Variants in ADGRL1 observed in about 807,000 individuals in gnomAD.
The protein encoded by ADGRL1 is CIRL-1.
Under a neutral mutation model 148.9 loss-of-function variants are expected in ADGRL1, and 31 were observed. That is an observed-to-expected ratio of 0.21 (90% CI 0.16 to 0.28). The LOEUF (loss-of-function observed/expected upper bound fraction) is 0.28, where lower values mean the gene tolerates loss of function less well. ADGRL1 is among the 10% of genes least tolerant of loss of function. The pLI is 1.00. For missense variants in ADGRL1, 1,521 were observed against 2,058.8 expected, an observed-to-expected ratio of 0.74 and a Z score of 5.05; for synonymous variants, 937 against 900.3, an observed-to-expected ratio of 1.04 and a Z score of -0.73.
rs373717218 is a variant in ADGRL1, at chr19:14,159,732, C to T, written c.1839+3G>A. 5.0e-6 allele frequency: 8 copies of T among 1,613,722 alleles called. No individual in the cohort carries two copies. The highest frequency in any genetic ancestry group is 2.2e-5 in the East Asian group (1 of 44,884). ...CCTTACACTGGGACCCCCTGGGTCTCACCTTGATATAATCCTTACAAGTTC... is the reference window on the plus strand; with the variant it reads ...CCTTACACTGGGACCCCCTGGGTCTTACCTTGATATAATCCTTACAAGTTC... On this transcript the variant is annotated splice_donor_region_variant and intron_variant, in intron 9 of 22. Transcript: ENST00000361434. This position sits in a 1 kb window ranked among gnomAD's most constrained non-coding sequence, Gnocchi z 6.0.
At chr19:14,164,635 G>A (rs1409547480) in intron 4 of ADGRL1, 4 of 140,740 alleles carry the variant, frequency 2.8e-5, no homozygotes, top group East Asian at 2.4e-4. Context: ...GACCATCCCC[G>A]GCTCGGGAAG....
rs954705305 is a variant in ADGRL1, at chr19:14,150,503, G to A, written c.*370C>T. On this transcript the variant is annotated 3_prime_UTR_variant, in exon 23 of 23. Transcript: ENST00000361434. ...GCAACCTCAGAAGCTGCCCCTCCCT[G>A]CCCAGGAAACTAAAGCCCTCATTTC... 4 of 214,500 alleles carry A rather than the reference G, an allele frequency of 1.9e-5. No homozygotes were observed. The highest frequency in any genetic ancestry group is 1.3e-4 in the South Asian group (1 of 7,968). The allele number at this position is 214,500 out of a possible 1,614,324, so 13.3% of individuals were successfully genotyped here.
chr19:14,183,212 A>ACAGAGAGAGAGAGC (rs1555790212), intron 2 of ADGRL1, among the ~76,000 whole-genome samples: 10 of 151,050 alleles, frequency 6.6e-5, no homozygotes, highest in Admixed American at 6.6e-4. Flanking sequence ...AGAGAGAGAG[A>ACAGAGAGAGAGAGC]GAGAGCGAGA....
At chr19:14,154,933 A>T (rs993910257) in intron 18 of ADGRL1, among the ~76,000 whole-genome samples, 2 of 152,010 alleles carry the variant, frequency 1.3e-5, no homozygotes, top group Non-Finnish European at 2.9e-5. Context: ...TTTTTTTAAG[A>T]TTCAGATTTT....
chr19:14,160,642 G>A lies in ADGRL1; in HGVS notation c.1565C>T (p.Pro522Leu). 1 of 1,613,064 alleles carries A rather than the reference G, an allele frequency of 6.2e-7. No homozygotes were observed. The highest frequency in any genetic ancestry group is 8.5e-7 in the Non-Finnish European group (1 of 1,179,750). ...GGGGGAGGTGCAGTTGCTGAGGTCA[G>A]GGCCCCGGGGGTTCCAGAGCCCCAA... Reference protein sequence around the residue: ...PALGLWNPRGPDLSNCTSPWV... With the variant: ...PALGLWNPRGLDLSNCTSPWV... Residue 522 changes from proline (P) to leucine (L), a missense_variant, in exon 7 of 23, where the codon CCT becomes CTT. Pro to Leu is a moderately conservative substitution (Grantham distance 98, BLOSUM62 -3). This residue lies in a region of ADGRL1 where 270 missense variants were observed against 320.4 expected (regional missense o/e 0.84). Transcript: ENST00000361434. This position sits in a 1 kb window ranked among gnomAD's most constrained non-coding sequence, Gnocchi z 5.9.
intron 1 of ADGRL1, among the ~76,000 whole-genome samples, chr19:14,200,177 C>A (rs1198088130): frequency 6.6e-6 from 1 of 152,352 alleles, no homozygotes; most frequent in South Asian, 2.1e-4. Flanking sequence ...AGGGTCACAG[C>A]CCGTGCAAAG....
Position 14,149,223 on chromosome 19 carries a change from G to C in ADGRL1, c.*1650C>G, listed in dbSNP as rs1178947892. On this transcript the variant is annotated 3_prime_UTR_variant, in exon 23 of 23. Coordinates refer to ENST00000361434, the MANE Select transcript of ADGRL1 (RefSeq NM_014921.5). ...ACATCCCGAGCCTGGAGCTTCCGGG[G>C]TCTGGGATTTGGGGTCAAGCCGCCC... 3 of 152,250 alleles carry C rather than the reference G, an allele frequency of 2.0e-5. No individual in the cohort carries two copies. Among genetic ancestry groups the C allele is most frequent in the African/African-American group, 4.8e-5 (2 of 41,440 alleles). 9.4% of individuals were successfully genotyped at this position (152,250 alleles called of 1,614,324 possible).
In ADGRL1 at chr19:14,163,027, G is replaced by A. The variant is rs763606856; in HGVS notation, c.774C>T (p.Gly258=). 26 of 1,613,998 alleles carry A rather than the reference G, an allele frequency of 1.6e-5. No individual in the cohort carries two copies. Among genetic ancestry groups the A allele is most frequent in the African/African-American group, 6.7e-5 (5 of 74,946 alleles). ...CCGCCAGGTCAATGTCGGTCTTTCCGCCCCAGCGGTAGGGCGAGGTGTCAT... is the reference window on the plus strand; with the variant it reads ...CCGCCAGGTCAATGTCGGTCTTTCCACCCCAGCGGTAGGGCGAGGTGTCAT... ...NYHDTSPYRW[G]GKTDIDLAVD... is the part of the protein sequence containing the mutation. The change falls in exon 5 of 23, where the codon GGC becomes GGT. Residue 258 remains glycine (G), a synonymous_variant. Transcript: ENST00000361434.
At chr19:14,184,011 C>G (rs1039031188) in intron 1 of ADGRL1, among the ~76,000 whole-genome samples, 1 of 152,186 alleles carries the variant, frequency 6.6e-6, no homozygotes, top group African/African-American at 2.4e-5. Flanking sequence ...CCCCATGCCC[C>G]TGTCCTGACC....
At chr19:14,204,712 G>GA (rs1972850060) in intron 1 of ADGRL1, among the ~76,000 whole-genome samples, 2 of 70,852 alleles carry the variant, frequency 2.8e-5, no homozygotes, top group Non-Finnish European at 5.4e-5. Context: ...GACAGAGAGA[G>GA]TGAGAGAGAG....
At chr19:14,184,851 G>C (rs1297027519) in intron 1 of ADGRL1, among the ~76,000 whole-genome samples, 1 of 151,874 alleles carries the variant, frequency 6.6e-6, no homozygotes, top group African/African-American at 2.4e-5. Flanking sequence ...GTGTTAGCCA[G>C]GATGGTCTCT....
chr19:14,171,706 A>T (rs1057122306), intron 3 of ADGRL1, among the ~76,000 whole-genome samples: 21 of 152,164 alleles, frequency 1.4e-4, no homozygotes, highest in African/African-American at 4.8e-4. Flanking sequence ...ACTTATAGCC[A>T]GGGCAGCCAG....
chr19:14,177,846 T>C, intron 2 of ADGRL1, 102 bp from the exon 3 acceptor site: 1 of 1,063,432 alleles, frequency 9.4e-7, no homozygotes, highest in Non-Finnish European at 1.3e-6. Flanking sequence ...GGCTGTGTCC[T>C]GGAAGCCAGC....
intron 4 of ADGRL1, 59 bp from the exon 5 acceptor site, chr19:14,163,465 GGAGAGAGAGAGAGAGAGA>G (rs71170599): frequency 2.1e-5 from 15 of 702,288 alleles, no homozygotes; most frequent in Admixed American, 1.3e-4. Context: ...GCGAGAGGGA[GGAGAGAGAGAGAGAGAGA>G]GAGAGAGAGA....
intron 1 of ADGRL1, among the ~76,000 whole-genome samples, chr19:14,184,630 A>ATT (rs1568618689): frequency 1.1e-4 from 10 of 88,486 alleles, no homozygotes; most frequent in Non-Finnish European, 4.9e-5. Flanking sequence ...TTATTTATTT[A>ATT]TTTATTTATT....
intron 1 of ADGRL1, among the ~76,000 whole-genome samples, chr19:14,200,923 CCTCTA>C (rs1972559319): frequency 6.6e-6 from 1 of 152,226 alleles, no homozygotes; most frequent in South Asian, 2.1e-4. Flanking sequence ...CCACTGGCAA[CCTCTA>C]CTCTACAGCC....
intron 18 of ADGRL1, among the ~76,000 whole-genome samples, chr19:14,153,582 ATTTTTTT>A (rs34163270): frequency 1.6e-5 from 2 of 128,434 alleles, no homozygotes; most frequent in African/African-American, 6.1e-5. Context: ...CACCTGGCTA[ATTTTTTT>A]TTTTTTTTTT....
chr19:14,158,372 A>G lies in ADGRL1; in HGVS notation c.2330T>C (p.Met777Thr), dbSNP rs535268367. Residue 777 changes from methionine (M) to threonine (T), a missense_variant, in exon 12 of 23, where the codon ATG (methionine) becomes ACG (threonine). Physicochemically the swap from Met to Thr is moderately conservative, Grantham distance 81 (BLOSUM62 -1). This residue lies in a region of ADGRL1 where 265 missense variants were observed against 431.9 expected (regional missense o/e 0.61). Coordinates refer to ENST00000361434, the MANE Select transcript of ADGRL1 (RefSeq NM_014921.5). ...INKESSRVFL[M>T]DPVIFTVAHL... ...GGCCACGGTGAAGATGACAGGGTCC[A>G]TGAGGAAGACGCGGCTGGACTCCTT... 39 of 1,613,700 alleles carry G rather than the reference A, an allele frequency of 2.4e-5. No individual in the cohort carries two copies. Among genetic ancestry groups the G allele is most frequent in the Non-Finnish European group, 3.2e-5 (38 of 1,180,026 alleles).
At chr19:14,167,039 A>G (rs748551267) in intron 4 of ADGRL1, 3 of 1,609,726 alleles carry the variant, frequency 1.9e-6, no homozygotes, top group Non-Finnish European at 2.6e-6. Flanking sequence ...TTCTACTTTA[A>G]GCATCGGAAG....
Sources: allele counts gnomAD v4.1 joint callset (sites outside exome capture counted in the v4.1 genomes callset), GRCh38; gene constraint gnomAD v4.1.1; regional missense constraint gnomAD v4.1.1; non-coding constraint Gnocchi (gnomAD v3.1); transcripts MANE v1.5; gene names NCBI Gene and HGNC (gene_info 2026-07-23, HGNC 2026-07-21).